Variants in KIAA0825 observed in about 807,000 individuals in gnomAD.
KIAA0825 encodes the protein uncharacterized protein KIAA0825.
A neutral mutation model predicts 147.6 loss-of-function variants in KIAA0825; 119 were observed. The observed-to-expected ratio is 0.81, with a 90% CI of 0.69 to 0.94. The LOEUF is 0.94. Ranked by LOEUF, KIAA0825 falls within the 40% of genes least tolerant of loss-of-function variation. The pLI is 0.00. For synonymous variants in KIAA0825, 470 were observed against 518.1 expected (o/e 0.91, Z 1.26); for missense variants, 1,381 against 1,472.7 (o/e 0.94, Z 1.02).
chr5:94,561,115 A>T (rs1777484135), intron 2 of KIAA0825, among the ~76,000 whole-genome samples: 1 of 152,232 alleles, frequency 6.6e-6, no homozygotes, highest in African/African-American at 2.4e-5. Context: ...CAGGAAAGGG[A>T]CTTGGGATTG....
chr5:94,207,814 T>G (rs1772344779), intron 20 of KIAA0825, among the ~76,000 whole-genome samples: 1 of 152,176 alleles, frequency 6.6e-6, no homozygotes, highest in Non-Finnish European at 1.5e-5. Context: ...CTTCTTTACC[T>G]TAAAGTCAGG....
rs142313259 is a variant in KIAA0825, at chr5:94,274,481, C to G, written c.3710+109887G>C. Among the ~76,000 whole-genome samples the G allele has an allele frequency of 1.9e-3, 293 of 152,124 alleles. 1 individual carries two copies. The highest frequency in any genetic ancestry group is 3.2e-3 in the Non-Finnish European group (215 of 67,978). On this transcript the variant is annotated intron_variant, in intron 20 of 20. Transcript: ENST00000682413. Reference sequence around the variant, plus strand: ...TATTGAGCACACACTATTCCAGGCTCCGAGCTAATTACTGAGTCACTAGAT... The same window carrying G: ...TATTGAGCACACACTATTCCAGGCTGCGAGCTAATTACTGAGTCACTAGAT...
At chr5:94,358,514 T>C (rs1744629604) in intron 20 of KIAA0825, among the ~76,000 whole-genome samples, 1 of 152,368 alleles carries the variant, frequency 6.6e-6, no homozygotes. Context: ...CTAAAATTCA[T>C]TTTAAAGATA....
intron 14 of KIAA0825, among the ~76,000 whole-genome samples, chr5:94,428,143 TTGTGTGTGTGTGTGTGTGTGTGTG>T (rs61572627): frequency 5.0e-4 from 67 of 134,584 alleles, no homozygotes; most frequent in East Asian, 2.2e-4. Flanking sequence ...TAAGGTCTTG[TTGTGTGTGTGTGTGTGTGTGTGTG>T]TGTGTGTGTG....
At chr5:94,356,721 A>ATTTTTTTTTTTTTTTTTT (rs1156680490) in intron 20 of KIAA0825, among the ~76,000 whole-genome samples, 6 of 112,542 alleles carry the variant, frequency 5.3e-5, no homozygotes, top group African/African-American at 1.8e-4. Context: ...GTTTAACTTG[A>ATTTTTTTTTTTTTTTTTT]TTTCTTTTTT....
intron 20 of KIAA0825, among the ~76,000 whole-genome samples, chr5:94,175,522 C>T (rs761662145): frequency 5.9e-5 from 9 of 152,166 alleles, no homozygotes; most frequent in Non-Finnish European, 8.8e-5. Flanking sequence ...CACAACTACT[C>T]AGTATCTTGG....
chr5:94,557,430 A>G (rs981199524), intron 2 of KIAA0825, among the ~76,000 whole-genome samples: 1 of 150,176 alleles, frequency 6.7e-6, no homozygotes, highest in African/African-American at 2.5e-5. Flanking sequence ...TTTTAAATCA[A>G]TTATACAACA....
intron 20 of KIAA0825, among the ~76,000 whole-genome samples, chr5:94,263,433 G>C (rs1776597114): frequency 6.6e-6 from 1 of 152,062 alleles, no homozygotes; most frequent in Admixed American, 6.6e-5. Context: ...CCTGACACCT[G>C]CCAGAACAGG....
chr5:94,381,637 C>G (rs1419490935), intron 20 of KIAA0825, among the ~76,000 whole-genome samples: 3 of 152,154 alleles, frequency 2.0e-5, no homozygotes, highest in Non-Finnish European at 4.4e-5. Context: ...TGAGGGATGA[C>G]TGTATTGTGT....
chr5:94,482,889 A>G (rs1274902968), intron 6 of KIAA0825, among the ~76,000 whole-genome samples: 1 of 151,998 alleles, frequency 6.6e-6, no homozygotes, highest in Non-Finnish European at 1.5e-5. Context: ...AAATGTGTTC[A>G]TATAGTTCAC....
At chr5:94,517,497 T>C (rs2151194823) in intron 5 of KIAA0825, among the ~76,000 whole-genome samples, 1 of 152,144 alleles carries the variant, frequency 6.6e-6, no homozygotes, top group South Asian at 2.1e-4. Context: ...TCAACCTAAG[T>C]ACAAAATCAG....
intron 20 of KIAA0825, among the ~76,000 whole-genome samples, chr5:94,287,745 G>A (rs1777721561): frequency 1.3e-5 from 2 of 152,132 alleles, no homozygotes; most frequent in Non-Finnish European, 1.5e-5. Flanking sequence ...AGAATTTCTA[G>A]AAATGTGTAT....
intron 20 of KIAA0825, among the ~76,000 whole-genome samples, chr5:94,266,486 G>A (rs1390810968): frequency 1.3e-5 from 2 of 152,060 alleles, no homozygotes; most frequent in Non-Finnish European, 2.9e-5. Flanking sequence ...ACCATTTGTT[G>A]AATTTTGGTG....
At chr5:94,433,684 C>A (rs149064976) in intron 14 of KIAA0825, among the ~76,000 whole-genome samples, 105 of 152,284 alleles carry the variant, frequency 6.9e-4, no homozygotes, top group African/African-American at 2.0e-3. Context: ...GACAATCATA[C>A]CACACAGAGC....
At chr5:94,456,089 T>A (rs1039352540) in intron 12 of KIAA0825, among the ~76,000 whole-genome samples, 6 of 152,032 alleles carry the variant, frequency 3.9e-5, no homozygotes, top group African/African-American at 1.4e-4. Context: ...AGAGAAAGAC[T>A]CAGAGAAAAT....
intron 20 of KIAA0825, among the ~76,000 whole-genome samples, chr5:94,325,311 C>T (rs79214068): frequency 0.041 from 6,210 of 151,900 alleles, 165 homozygotes; most frequent in Middle Eastern, 0.082. Flanking sequence ...GTATGCCCTC[C>T]TTATGTTATT....
At chr5:94,164,613 G>T (rs563811803) in intron 20 of KIAA0825, among the ~76,000 whole-genome samples, 29 of 151,852 alleles carry the variant, frequency 1.9e-4, no homozygotes, top group Non-Finnish European at 2.9e-4. Context: ...GGGTTTCACC[G>T]TGTTAGCCAG....
intron 2 of KIAA0825, among the ~76,000 whole-genome samples, chr5:94,572,443 ATTCAT>A (rs745775399): frequency 1.2e-4 from 19 of 152,240 alleles, no homozygotes; most frequent in Non-Finnish European, 2.4e-4. Context: ...TATGAGCTTC[ATTCAT>A]TACACTGCAG....
intron 20 of KIAA0825, among the ~76,000 whole-genome samples, chr5:94,266,165 T>C (rs896696074): frequency 6.6e-6 from 1 of 152,168 alleles, no homozygotes; most frequent in African/African-American, 2.4e-5. Flanking sequence ...TTGTTGCCAA[T>C]AATAAAATTC....
Sources: allele counts gnomAD v4.1 joint callset (sites outside exome capture counted in the v4.1 genomes callset), GRCh38; gene constraint gnomAD v4.1.1; transcripts MANE v1.5; gene names NCBI Gene and HGNC (gene_info 2026-07-23, HGNC 2026-07-21).